PDE4A: variants seen among roughly 807,000 people sequenced by gnomAD.
The protein encoded by PDE4A is phosphodiesterase 4A.
PDE4A carries 21 observed loss-of-function variants against 73.9 expected under a neutral mutation model. That is an observed-to-expected ratio of 0.28 (90% CI 0.20 to 0.41). The LOEUF (loss-of-function observed/expected upper bound fraction) is 0.41, where lower values mean the gene tolerates loss of function less well. Ranked by LOEUF, PDE4A falls within the 10% of genes least tolerant of loss-of-function variation. The pLI is 1.00. For synonymous variants in PDE4A, 463 were observed against 505.4 expected, an observed-to-expected ratio of 0.92 and a Z score of 1.13; for missense variants, 958 against 1,211.4, an observed-to-expected ratio of 0.79 and a Z score of 3.10.
chr19:10,450,829 A>G lies in PDE4A; in HGVS notation c.671A>G (p.Glu224Gly), dbSNP rs781086260. 22 of 1,607,448 alleles carry G rather than the reference A, an allele frequency of 1.4e-5. No individual in the cohort carries two copies. The highest frequency in any genetic ancestry group is 1.8e-5 in the Non-Finnish European group (21 of 1,177,166). The stretch of plus-strand genomic sequence containing the variant: ...ACTACCCTGGCTGCCCCTTCCTTAG[A>G]AGAAACGTGTCAGCAGTTGGCCCGG... ...PTPVCKATLS[E>G]ETCQQLARET... Residue 224 changes from glutamate (E) to glycine (G), a missense_variant and splice_region_variant, in exon 6 of 15, where the codon GAA becomes GGA. Coordinates refer to ENST00000380702, the MANE Select transcript of PDE4A (RefSeq NM_001111307.2).
In PDE4A at chr19:10,459,453, C is replaced by T. The variant is rs139201182; in HGVS notation, c.1155C>T (p.Tyr385=). ...TGAACATCTTTTGCGTGTCGGATTACGCTGGAGGCCGCTCACTCACCTGCA... is the reference window on the plus strand; with the variant it reads ...TGAACATCTTTTGCGTGTCGGATTATGCTGGAGGCCGCTCACTCACCTGCA... The part of the protein sequence containing the change: ...WGLNIFCVSD[Y]AGGRSLTCIM... The change falls in exon 9 of 15, where the codon TAC becomes TAT. Residue 385 remains tyrosine (Y), a synonymous_variant. Transcript: ENST00000380702. 10 of 1,614,070 alleles carry T rather than the reference C, an allele frequency of 6.2e-6. No individual in the cohort carries two copies. The highest frequency in any genetic ancestry group is 2.2e-5 in the South Asian group (2 of 91,092).
intron 1 of PDE4A, among the ~76,000 whole-genome samples, chr19:10,432,178 G>GT (rs1329556355): frequency 1.6e-4 from 13 of 79,102 alleles, no homozygotes; most frequent in East Asian, 3.2e-4. Context: ...GGAGGAGACG[G>GT]GGGGGGGGGG....
At chr19:10,440,578 C>T (rs1250415440) in intron 1 of PDE4A, among the ~76,000 whole-genome samples, 1 of 152,092 alleles carries the variant, frequency 6.6e-6, no homozygotes, top group Non-Finnish European at 1.5e-5. Flanking sequence ...TGAGAGCCGC[C>T]ATGCCTGGCT....
At chr19:10,432,178 G>T (rs1298396078) in intron 1 of PDE4A, among the ~76,000 whole-genome samples, 1,259 of 79,084 alleles carry the variant, frequency 0.016, 23 homozygotes, top group Non-Finnish European at 0.021. Flanking sequence ...GGAGGAGACG[G>T]GGGGGGGGGG....
upstream of PDE4A, chr19:10,420,381 C>T: frequency 1.0e-6 from 1 of 978,162 alleles, no homozygotes; most frequent in Non-Finnish European, 1.2e-6. This position sits in a 1 kb window ranked among gnomAD's most constrained non-coding sequence, Gnocchi z 6.0. Context: ...GGGAAGGGCC[C>T]CCCTCCTTAG....
intron 1 of PDE4A, chr19:10,421,336 G>A (rs2042649111): frequency 1.0e-6 from 1 of 985,246 alleles, no homozygotes; most frequent in Admixed American, 6.1e-5. Context: ...ACGAGGTCTG[G>A]GTTGGGGAAG....
rs562540002 is a variant in PDE4A, at chr19:10,425,174, A to C, written c.320+4090A>C. Among the ~76,000 whole-genome samples the C allele has an allele frequency of 9.9e-5, 15 of 152,024 alleles. No homozygotes were observed. In the South Asian group the frequency reaches 3.1e-3, roughly 32 times the overall value. On this transcript the variant is annotated intron_variant, in intron 1 of 14. Coordinates refer to ENST00000380702, the MANE Select transcript of PDE4A (RefSeq NM_001111307.2). Reference sequence around the variant, plus strand: ...GGGAGGCAGAGGTTGCAGTGAGTCGAGATGGCACCACTGCACTCCAGCCTG... The same window carrying C: ...GGGAGGCAGAGGTTGCAGTGAGTCGCGATGGCACCACTGCACTCCAGCCTG...
chr19:10,431,043 C>G, intron 1 of PDE4A: 1 of 1,577,206 alleles, frequency 6.3e-7, no homozygotes, highest in Non-Finnish European at 8.6e-7. Context: ...TCGGCTTCTC[C>G]GCAGCTGCCA....
chr19:10,420,847 C>A lies in PDE4A; in HGVS notation c.83C>A (p.Pro28His), dbSNP rs745844347. The change falls in exon 1 of 15, where the codon CCT becomes CAT. Residue 28 changes from proline (P) to histidine (H), a missense_variant. By Grantham distance (77) the Pro-to-His change is moderately conservative. Transcript: ENST00000380702. This position sits in a 1 kb window ranked among gnomAD's most constrained non-coding sequence, Gnocchi z 6.0. ...CGGGAGGGCCAGGCCACCCTGAAGC[C>A]TCCCCCGCAGCACCTGTGGCGGCAG... The part of the protein sequence containing the change: ...GPREGQATLK[P>H]PPQHLWRQPR... The A allele has an allele frequency of 1.3e-5, 21 of 1,589,948 alleles. No individual in the cohort carries two copies. The highest frequency in any genetic ancestry group is 1.1e-5 in the South Asian group (1 of 89,478).
chr19:10,461,539 G>A lies in PDE4A; in HGVS notation c.1479G>A (p.Ala493=). 2 of 1,614,072 alleles carry A rather than the reference G, an allele frequency of 1.2e-6. No individual in the cohort carries two copies. Among genetic ancestry groups the A allele is most frequent in the Non-Finnish European group, 1.7e-6 (2 of 1,180,024 alleles). Residue 493 remains alanine, a synonymous_variant, in exon 12 of 15, where the codon GCG becomes GCA. Coordinates refer to ENST00000380702, the MANE Select transcript of PDE4A (RefSeq NM_001111307.2). ...QFLINTNSEL[A]LMYNDESVLE... is the part of the protein sequence containing the mutation. ...GCTGGGCTGCAGATTCGGAGCTGGC[G>A]CTCATGTACAACGATGAGTCGGTGC...
rs2042637399 is a variant in PDE4A, at chr19:10,420,676, G to A, written c.-89G>A. On this transcript the variant is annotated 5_prime_UTR_variant, in exon 1 of 15. Transcript: ENST00000380702. The surrounding 1 kb of genome is among the most constrained non-coding windows in gnomAD (Gnocchi z 6.0). ...CTACCGCGGCCGGGCGCACCCGCGGGGCCCTGGGCTCGCTGGCTTGCGCGC... is the reference window on the plus strand; with the variant it reads ...CTACCGCGGCCGGGCGCACCCGCGGAGCCCTGGGCTCGCTGGCTTGCGCGC... 7.3e-7 allele frequency: 1 copy of A among 1,369,664 alleles called. No homozygotes were observed. The highest frequency in any genetic ancestry group is 1.5e-5 in the African/African-American group (1 of 64,930). The allele number at this position is 1,369,664 out of a possible 1,614,324, so 84.8% of individuals were successfully genotyped here. A position where few individuals can be genotyped will look rare whatever the true frequency, so the allele number is the denominator to read the frequency against.
At chr19:10,466,573 T>C (rs780840509) in intron 14 of PDE4A, among the ~76,000 whole-genome samples, 12 of 151,504 alleles carry the variant, frequency 7.9e-5, no homozygotes, top group Non-Finnish European at 1.3e-4. Context: ...TCGCAGCTCA[T>C]TGCAATCTCC....
At chr19:10,462,849 C>G (rs1218103399) in intron 13 of PDE4A, among the ~76,000 whole-genome samples, 3 of 152,140 alleles carry the variant, frequency 2.0e-5, no homozygotes, top group Admixed American at 6.6e-5. Flanking sequence ...CCTCTGTTCT[C>G]TGTTCTCCCC....
At chr19:10,457,743 C>T (rs541124818) in intron 7 of PDE4A, 136 bp from the exon 8 acceptor site, 2 of 1,445,162 alleles carry the variant, frequency 1.4e-6, no homozygotes, top group East Asian at 2.4e-5. Context: ...CTCTGAGTAG[C>T]CAGCGGCATC....
In PDE4A at chr19:10,420,950, C is replaced by T; in HGVS notation, c.186C>T (p.His62=). 1 of 1,562,488 alleles carries T rather than the reference C, an allele frequency of 6.4e-7. No individual in the cohort carries two copies. The highest frequency in any genetic ancestry group is 8.6e-7 in the Non-Finnish European group (1 of 1,163,220). ...AERAERERQP[H]RPIERADAMD... is the part of the protein sequence containing the mutation. ...GCGCCGAGCGGGAGCGGCAGCCGCACCGGCCCATAGAGCGCGCCGATGCCA... is the reference window on the plus strand; with the variant it reads ...GCGCCGAGCGGGAGCGGCAGCCGCATCGGCCCATAGAGCGCGCCGATGCCA... Residue 62 remains histidine, a synonymous_variant, in exon 1 of 15, where the codon CAC becomes CAT. Coordinates refer to ENST00000380702, the MANE Select transcript of PDE4A (RefSeq NM_001111307.2). The surrounding 1 kb of genome is among the most constrained non-coding windows in gnomAD (Gnocchi z 6.0).
At chr19:10,459,260 A>T (rs748782810) in intron 8 of PDE4A, 140 bp from the exon 9 acceptor site, 1 of 1,457,230 alleles carries the variant, frequency 6.9e-7, no homozygotes, top group Non-Finnish European at 9.2e-7. Context: ...AGGGCAGTAC[A>T]TTCTGTGCTG....
intron 1 of PDE4A, among the ~76,000 whole-genome samples, chr19:10,431,755 G>A (rs2042791461): frequency 6.6e-6 from 1 of 152,126 alleles, no homozygotes; most frequent in South Asian, 2.1e-4. Context: ...ACCGGGCCCA[G>A]CGACTGGCCC....
Position 10,467,255 on chromosome 19 carries a change from A to C in PDE4A, c.2295A>C (p.Ala765=). 1 of 1,614,214 alleles carries C rather than the reference A, an allele frequency of 6.2e-7. No individual in the cohort carries two copies. The highest frequency in any genetic ancestry group is 8.5e-7 in the Non-Finnish European group (1 of 1,180,030). Residue 765 remains alanine (A), a synonymous_variant, in exon 15 of 15, where the codon GCA becomes GCC. Coordinates refer to ENST00000380702, the MANE Select transcript of PDE4A (RefSeq NM_001111307.2). The part of the protein sequence containing the change: ...SPAQESLEVM[A]QEASLEAELE... ...CCCAGGAGTCGTTGGAAGTTATGGC[A>C]CAGGAAGCATCCCTGGAGGCCGAGC...
chr19:10,439,078 G>C (rs917014482), intron 1 of PDE4A, among the ~76,000 whole-genome samples: 1 of 152,122 alleles, frequency 6.6e-6, no homozygotes, highest in African/African-American at 2.4e-5. Flanking sequence ...ACATGTATCT[G>C]TTTGAGATCC....
Sources: gnomAD v4.1 joint callset for allele counts (sites outside exome capture counted in the v4.1 genomes callset) on GRCh38, gnomAD v4.1.1 for gene constraint, Gnocchi (gnomAD v3.1) non-coding constraint, MANE v1.5 for transcripts, NCBI Gene and HGNC (gene_info 2026-07-23, HGNC 2026-07-21) for gene names.